MED12L: variants seen among roughly 807,000 people sequenced by gnomAD.
MED12L encodes mediator of RNA polymerase II transcription subunit 12-like protein.
In MED12L, 60 loss-of-function variants were observed where a neutral mutation model predicts 281.3. The observed-to-expected ratio is 0.21, with a 90% CI of 0.17 to 0.26. MED12L has a LOEUF of 0.26. MED12L is among the 10% of genes least tolerant of loss of function. The pLI is 1.00. For missense variants in MED12L, 2,146 were observed against 2,680.9 expected (o/e 0.80, Z 4.41); for synonymous variants, 974 against 987.2 (o/e 0.99, Z 0.25).
chr3:151,425,653 C>G (rs1718796661), intron 43 of MED12L: 1 of 456,340 alleles, frequency 2.2e-6, no homozygotes, highest in African/African-American at 2.0e-5. Context: ...TTAGTTATAC[C>G]TGACAGTAGT....
chr3:151,233,998 C>G (rs942590161), intron 16 of MED12L, among the ~76,000 whole-genome samples: 8 of 152,162 alleles, frequency 5.3e-5, no homozygotes, highest in Non-Finnish European at 1.0e-4. Context: ...TTTAAAAAGT[C>G]TATCACTTTG....
In MED12L at chr3:151,360,458, A is replaced by G; in HGVS notation, c.2826-16A>G. ...ACAAATCTATGTCTTATTTCTTCGT[A>G]TATTTTTCTCCTCAGGTTGTGTGGT... On this transcript the variant is annotated splice_polypyrimidine_tract_variant and intron_variant, in intron 20 of 44. Transcript: ENST00000687756. The G allele has an allele frequency of 3.1e-6, 5 of 1,608,734 alleles. No individual in the cohort carries two copies. The highest frequency in any genetic ancestry group is 1.3e-5 in the African/African-American group (1 of 74,786).
At chr3:151,287,962 T>C (rs1032612832) in intron 16 of MED12L, among the ~76,000 whole-genome samples, 1 of 152,208 alleles carries the variant, frequency 6.6e-6, no homozygotes, top group Non-Finnish European at 1.5e-5. Flanking sequence ...CCAGAAAAAG[T>C]TTACCCTTTA....
chr3:151,317,493 C>T (rs576641886), intron 16 of MED12L, among the ~76,000 whole-genome samples: 20 of 112,286 alleles, frequency 1.8e-4, no homozygotes, highest in Admixed American at 2.4e-4. Context: ...CACTGTTGCC[C>T]GGGCTGGTAT....
At chr3:151,233,427 G>A (rs577067938) in intron 16 of MED12L, among the ~76,000 whole-genome samples, 1 of 152,258 alleles carries the variant, frequency 6.6e-6, no homozygotes, top group Admixed American at 6.5e-5. Context: ...ATAAGTTAAA[G>A]CACAACAAAA....
chr3:151,358,349 T>C (rs1464549440), intron 20 of MED12L, among the ~76,000 whole-genome samples: 1 of 152,152 alleles, frequency 6.6e-6, no homozygotes, highest in Admixed American at 6.6e-5. Context: ...AATTTAGTAT[T>C]ATTTTACAGC....
intron 32 of MED12L, among the ~76,000 whole-genome samples, chr3:151,382,185 C>G (rs959712740): frequency 6.6e-6 from 1 of 151,526 alleles, no homozygotes; most frequent in East Asian, 1.9e-4. Flanking sequence ...ACCGTGCGTT[C>G]TCTTTATCAA....
chr3:151,156,376 A>C (rs1560102478), intron 6 of MED12L, 46 bp downstream of exon 6: 4 of 1,519,174 alleles, frequency 2.6e-6, no homozygotes, highest in Non-Finnish European at 3.5e-6. Context: ...GCTTTTAAGA[A>C]GACAGCAAAT....
In MED12L at chr3:151,158,748, C is replaced by G. The variant is rs1444479827; in HGVS notation, c.786C>G (p.Ile262Met). The stretch of plus-strand genomic sequence containing the variant: ...GGATCCTGGATGTTTTAGAAAAGAT[C>G]AGACCAATGGATGATGATCTTCTTA... ...LTWILDVLEK[I>M]RPMDDDLLKL... Residue 262 changes from isoleucine (I) to methionine (M), a missense_variant, in exon 7 of 45, where the codon ATC becomes ATG. By Grantham distance (10) the Ile-to-Met change is conservative. This residue lies in a region of MED12L where 722 missense variants were observed against 861.2 expected (regional missense o/e 0.84). Transcript: ENST00000687756. 3 of 1,613,024 alleles carry G rather than the reference C, an allele frequency of 1.9e-6. No homozygotes were observed. The highest frequency in any genetic ancestry group is 2.5e-6 in the Non-Finnish European group (3 of 1,179,424).
At position 151,108,571 on chromosome 3, in the gene MED12L, G is replaced by T. The variant is rs547857368; in HGVS notation, c.100-7767G>T. Among the ~76,000 whole-genome samples the T allele has an allele frequency of 5.3e-5, 8 of 152,260 alleles. No homozygotes were observed. The East Asian group carries it at 1.5e-3, about 29-fold the overall frequency. On this transcript the variant is annotated intron_variant, in intron 2 of 44. Coordinates refer to ENST00000687756, the MANE Select transcript of MED12L (RefSeq NM_001393769.1). The stretch of plus-strand genomic sequence containing the variant: ...TAAAACCATGAAAAGTGTTTTGTTT[G>T]TTCTGAGTAAGACTTGAGCTAACTC...
At chr3:151,397,690 G>T (rs1715158434) in intron 39 of MED12L, among the ~76,000 whole-genome samples, 1 of 152,148 alleles carries the variant, frequency 6.6e-6, no homozygotes, top group Non-Finnish European at 1.5e-5. Context: ...ACCATTTCGT[G>T]CTATGGCAGG....
intron 16 of MED12L, chr3:151,328,185 G>C (rs1220622082): frequency 6.2e-7 from 1 of 1,612,970 alleles, no homozygotes; most frequent in East Asian, 2.2e-5. Flanking sequence ...TGATTTTGCA[G>C]TCTACAGTCA....
chr3:151,210,295 C>T (rs1192020340), intron 16 of MED12L, among the ~76,000 whole-genome samples: 1 of 152,158 alleles, frequency 6.6e-6, no homozygotes, highest in Non-Finnish European at 1.5e-5. Flanking sequence ...ATGATAGCTG[C>T]ATGGTTGAGA....
At chr3:151,247,762 AAAAAAAAAAAGC>A (rs1735944691) in intron 16 of MED12L, among the ~76,000 whole-genome samples, 1 of 14,422 alleles carries the variant, frequency 6.9e-5, no homozygotes, top group Non-Finnish European at 3.1e-4. Context: ...AATGTATAAT[AAAAAAAAAAAGC>A]AAAAAAAAAA....
intron 16 of MED12L, chr3:151,327,994 G>T (rs745964145): frequency 6.4e-7 from 1 of 1,556,686 alleles, no homozygotes; most frequent in Non-Finnish European, 8.6e-7. Flanking sequence ...ACAGTTGTCA[G>T]CCTAAGGTTA....
At chr3:151,341,552 T>C (rs974661057) in intron 16 of MED12L, among the ~76,000 whole-genome samples, 1 of 130,408 alleles carries the variant, frequency 7.7e-6, no homozygotes, top group Non-Finnish European at 1.6e-5. Flanking sequence ...GGGCAAAGTG[T>C]TTTGCTGCTT....
intron 42 of MED12L, among the ~76,000 whole-genome samples, chr3:151,414,325 A>C (rs1318678105): frequency 6.6e-6 from 1 of 152,224 alleles, no homozygotes; most frequent in Non-Finnish European, 1.5e-5. Context: ...CTTGAGATAC[A>C]CACTTACTTT....
chr3:151,291,256 T>C (rs1744224309), intron 16 of MED12L, among the ~76,000 whole-genome samples: 1 of 152,038 alleles, frequency 6.6e-6, no homozygotes, highest in Non-Finnish European at 1.5e-5. Flanking sequence ...CTCGTTTGCA[T>C]GTGTGCACAC....
chr3:151,233,714 C>A (rs918384500), intron 16 of MED12L, among the ~76,000 whole-genome samples: 2 of 152,216 alleles, frequency 1.3e-5, no homozygotes, highest in Admixed American at 6.5e-5. Flanking sequence ...ACCTGGGCAA[C>A]AAGAGTGAAA....
Sources: gnomAD v4.1 joint callset for allele counts (sites outside exome capture counted in the v4.1 genomes callset) on GRCh38, gnomAD v4.1.1 for gene constraint, gnomAD v4.1.1 regional missense constraint, MANE v1.5 for transcripts, NCBI Gene and HGNC (gene_info 2026-07-23, HGNC 2026-07-21) for gene names.